ERI1: variants seen among roughly 807,000 people sequenced by gnomAD.
ERI1 encodes the protein exoribonuclease 1, also known as 3'-5' exoribonuclease 1.
ERI1 carries 39 observed loss-of-function variants against 39.7 expected under a neutral mutation model. That is an observed-to-expected ratio of 0.98 (90% CI 0.76 to 1.28). The LOEUF (loss-of-function observed/expected upper bound fraction) is 1.28, where lower values mean the gene tolerates loss of function less well. Among genes scored for constraint, ERI1 ranks in the 50% most tolerant of loss-of-function variants. ERI1 has a pLI of 0.00. For missense variants in ERI1, 581 were observed against 416.9 expected, an observed-to-expected ratio of 1.39 and a Z score of -3.43; for synonymous variants, 204 against 149.6, an observed-to-expected ratio of 1.36 and a Z score of -2.65.
At chr8:9,029,500 T>C (rs1369097252) in intron 6 of ERI1, among the ~76,000 whole-genome samples, 1 of 152,102 alleles carries the variant, frequency 6.6e-6, no homozygotes, top group East Asian at 1.9e-4. Flanking sequence ...GGCTAATTTT[T>C]TTGTATTTTA....
chr8:9,002,911 G>A lies in ERI1; in HGVS notation c.-153G>A. The A allele has an allele frequency of 2.1e-6, 1 of 473,990 alleles. No homozygotes were observed. Among genetic ancestry groups the A allele is most frequent in the Non-Finnish European group, 3.4e-6 (1 of 296,374 alleles). 29.4% of individuals were successfully genotyped at this position (473,990 alleles called of 1,614,324 possible). On this transcript the variant is annotated 5_prime_UTR_variant, in exon 1 of 7. In the 5' UTR this introduces an upstream ATG that the reference lacks. Coordinates refer to ENST00000250263, the MANE Select transcript of ERI1 (RefSeq NM_153332.4). ...GTGTGGACGCCACACGCTCCCGGAA[G>A]TGGGAGGTGGCCGCTGGAGTTTGTG...
At chr8:9,078,811 T>G (rs1447480743) in intron 3 of ERI1, among the ~76,000 whole-genome samples, 1 of 152,196 alleles carries the variant, frequency 6.6e-6, no homozygotes, top group African/African-American at 2.4e-5. Context: ...AAGAGAAGAT[T>G]ATCTTTTTTC....
intron 1 of ERI1, among the ~76,000 whole-genome samples, chr8:9,004,485 C>CTTTTTTTTTTTTTTTTTTTTTT (rs71201904): frequency 2.6e-5 from 2 of 78,328 alleles, no homozygotes; most frequent in African/African-American, 1.0e-4. Context: ...TATAGTGATA[C>CTTTTTTTTTTTTTTTTTTTTTT]TTTTTTTTTT....
intron 2 of ERI1, among the ~76,000 whole-genome samples, chr8:9,008,376 C>T (rs190729931): frequency 3.1e-4 from 47 of 152,164 alleles, no homozygotes; most frequent in African/African-American, 6.3e-4. Flanking sequence ...AATGACCTAC[C>T]GGCAATGTAT....
chr8:9,016,197 A>G, intron 3 of ERI1, 125 bp from the exon 4 acceptor site: 2 of 461,880 alleles, frequency 4.3e-6, no homozygotes, highest in Non-Finnish European at 3.9e-6. Context: ...ATTCTTAAAA[A>G]CTGGAAGGGT....
chr8:9,063,706 C>T (rs914366314), intron 3 of ERI1, among the ~76,000 whole-genome samples: 1 of 152,080 alleles, frequency 6.6e-6, no homozygotes, highest in Admixed American at 6.5e-5. Flanking sequence ...GCATCTCAGA[C>T]CATTTGCCCA....
In ERI1 at chr8:9,021,237, TC is replaced by T. The variant is rs1817858859; in HGVS notation, c.807+774del. Reference sequence around the variant, plus strand: ...CTCTCCATTCAAACTGTAAGTCACTTCTTATGACTGAGAACACTCAGGTAGT... The same window carrying T: ...CTCTCCATTCAAACTGTAAGTCACTTTTATGACTGAGAACACTCAGGTAGT... On this transcript the variant is annotated intron_variant, in intron 6 of 6. Transcript: ENST00000250263. Among the ~76,000 whole-genome samples the T allele has an allele frequency of 2.6e-5, 4 of 152,312 alleles. No individual in the cohort carries two copies. The South Asian group carries it at 8.3e-4, about 32-fold the overall frequency.
chr8:9,048,935 C>T (rs528268242), intron 3 of ERI1, among the ~76,000 whole-genome samples: 2 of 152,026 alleles, frequency 1.3e-5, no homozygotes, highest in South Asian at 2.1e-4. Flanking sequence ...CGTGAGCCAC[C>T]GCGCTCGGCC....
intron 6 of ERI1, among the ~76,000 whole-genome samples, chr8:9,028,941 G>A (rs1186233041): frequency 6.6e-6 from 1 of 150,970 alleles, no homozygotes; most frequent in African/African-American, 2.4e-5. Flanking sequence ...CTTAAAAGTG[G>A]AGGCACATAT....
At position 9,018,352 on chromosome 8, in the gene ERI1, G is replaced by C; in HGVS notation, c.638G>C (p.Trp213Ser). The change falls in exon 5 of 7, where the codon TGG becomes TCG. Residue 213 changes from tryptophan to serine, a missense_variant. Trp to Ser is a radical substitution (Grantham distance 177, BLOSUM62 -3). Coordinates refer to ENST00000250263, the MANE Select transcript of ERI1 (RefSeq NM_153332.4). ...CAGGTACTAAAAAAAGTAATTGACT[G>C]GATGAAATTGAAGGAATTAGGAACA... is the stretch of plus-strand genomic sequence containing the variant. Reference protein sequence around the residue: ...FPQVLKKVIDWMKLKELGTKY... With the variant: ...FPQVLKKVIDSMKLKELGTKY... 6.2e-7 allele frequency: 1 copy of C among 1,612,248 alleles called. No homozygotes were observed. Among genetic ancestry groups the C allele is most frequent in the Non-Finnish European group, 8.5e-7 (1 of 1,178,528 alleles).
intron 1 of ERI1, among the ~76,000 whole-genome samples, chr8:9,004,448 G>A (rs1017039105): frequency 1.5e-5 from 2 of 132,000 alleles, no homozygotes; most frequent in Admixed American, 1.5e-4. Context: ...GGTAGTAATT[G>A]TTAAAAACTT....
At chr8:9,092,729 C>T (rs1799747583) in intron 3 of ERI1, among the ~76,000 whole-genome samples, 1 of 152,162 alleles carries the variant, frequency 6.6e-6, no homozygotes, top group Non-Finnish European at 1.5e-5. Flanking sequence ...GTTCTTGAGA[C>T]CAGGGATTTA....
chr8:9,004,060 C>T, intron 1 of ERI1: 4 of 1,288,804 alleles, frequency 3.1e-6, no homozygotes, highest in Non-Finnish European at 4.0e-6. Flanking sequence ...CAGTTTTTTC[C>T]CTTTTGTTCC....
In ERI1 at chr8:9,032,059, T is replaced by G. The variant is rs1331498729; in HGVS notation, c.*2025T>G. ...GCGCTCAGCCATAGATTTTACTGTC[T>G]TAACCCATTTTAATTCCTCTGTTGA... On this transcript the variant is annotated 3_prime_UTR_variant, in exon 7 of 7. Transcript: ENST00000250263. The G allele has an allele frequency of 6.6e-6, 1 of 152,220 alleles. No individual in the cohort carries two copies. Among genetic ancestry groups the G allele is most frequent in the Non-Finnish European group, 1.5e-5 (1 of 68,056 alleles). The allele number at this position is 152,220 out of a possible 1,614,324, so 9.4% of individuals were successfully genotyped here. A position where few individuals can be genotyped will look rare whatever the true frequency, so the allele number is the denominator to read the frequency against.
chr8:9,024,001 C>T (rs1285006044), intron 6 of ERI1, among the ~76,000 whole-genome samples: 2 of 151,752 alleles, frequency 1.3e-5, no homozygotes, highest in African/African-American at 4.8e-5. Flanking sequence ...GGGGTTTCAC[C>T]ATATTAGCCA....
chr8:9,020,211 G>A (rs1817732568), intron 5 of ERI1, 139 bp from the exon 6 acceptor site: 2 of 490,292 alleles, frequency 4.1e-6, no homozygotes, highest in Non-Finnish European at 3.6e-6. Flanking sequence ...TTTGTAGGAA[G>A]CAAGGTTAAT....
At position 9,005,504 on chromosome 8, in the gene ERI1, GTTTT is replaced by G. The variant is rs911960186; in HGVS notation, c.108+2337_108+2340del. Among the ~76,000 whole-genome samples the G allele has an allele frequency of 3.2e-4, 47 of 147,626 alleles. No homozygotes were observed. In the South Asian group the frequency reaches 9.3e-3, roughly 29 times the overall value. The stretch of plus-strand genomic sequence containing the variant: ...TAACTCATCTTTAAGTTCAACAACA[GTTTT>G]TTTATGTTTTTTTTTTTTTTTTTTG... On this transcript the variant is annotated intron_variant, in intron 1 of 6. Coordinates refer to ENST00000250263, the MANE Select transcript of ERI1 (RefSeq NM_153332.4).
chr8:9,004,988 C>G (rs1815830043), intron 1 of ERI1, among the ~76,000 whole-genome samples: 2 of 152,144 alleles, frequency 1.3e-5, no homozygotes, highest in Admixed American at 1.3e-4. Context: ...TGCGCCTGGC[C>G]ATGATACAGT....
At chr8:9,054,114 C>T (rs188652030) in intron 3 of ERI1, among the ~76,000 whole-genome samples, 10 of 152,236 alleles carry the variant, frequency 6.6e-5, no homozygotes, top group African/African-American at 2.4e-4. Flanking sequence ...AGAGATGGTC[C>T]AACTCTTTTA....
Sources: allele counts gnomAD v4.1 joint callset (sites outside exome capture counted in the v4.1 genomes callset), GRCh38; gene constraint gnomAD v4.1.1; transcripts MANE v1.5; gene names NCBI Gene and HGNC (gene_info 2026-07-23, HGNC 2026-07-21).